Variants in CACNB2 observed in about 807,000 individuals in gnomAD.
CACNB2 encodes the protein calcium voltage-gated channel auxiliary subunit beta 2, also known as voltage-dependent L-type calcium channel subunit beta-2.
Under a neutral mutation model 73.3 loss-of-function variants are expected in CACNB2, and 42 were observed. The observed-to-expected ratio is 0.57, with a 90% CI of 0.45 to 0.74. The LOEUF is 0.74. CACNB2 is among the 30% of genes least tolerant of loss of function. The pLI is 0.00. For synonymous variants in CACNB2, 348 were observed against 310.3 expected (o/e 1.12, Z -1.28); for missense variants, 940 against 853.0 (o/e 1.10, Z -1.27).
At chr10:18,206,480 C>T (rs1444595868) in intron 2 of CACNB2, 1 of 152,450 alleles carries the variant, frequency 6.6e-6, no homozygotes, top group Non-Finnish European at 1.5e-5. Context: ...GAAACAGCAG[C>T]ATTGTGCAGT....
At chr10:18,474,971 A>T (rs1434842416) in intron 3 of CACNB2, among the ~76,000 whole-genome samples, 1 of 151,308 alleles carries the variant, frequency 6.6e-6, no homozygotes, top group East Asian at 1.9e-4. Context: ...TGTCCAACTC[A>T]ACTACAGATC....
intron 3 of CACNB2, among the ~76,000 whole-genome samples, chr10:18,471,312 G>C (rs1030008265): frequency 3.9e-5 from 6 of 152,070 alleles, no homozygotes; most frequent in Admixed American, 1.3e-4. Flanking sequence ...ATCTCAGAAA[G>C]AAAGAAAGGA....
chr10:18,429,677 A>AC (rs1042792973), intron 3 of CACNB2, among the ~76,000 whole-genome samples: 2 of 141,174 alleles, frequency 1.4e-5, no homozygotes, highest in African/African-American at 5.1e-5. Context: ...AAAAAAAAAA[A>AC]AAAACCAAAT....
At chr10:18,276,912 G>T (rs2038317532) in intron 2 of CACNB2, among the ~76,000 whole-genome samples, 1 of 152,120 alleles carries the variant, frequency 6.6e-6, no homozygotes, top group African/African-American at 2.4e-5. Flanking sequence ...ATGAGTTCAA[G>T]ACCAGACAGG....
intron 2 of CACNB2, among the ~76,000 whole-genome samples, chr10:18,237,058 C>T (rs2036472902): frequency 6.6e-6 from 1 of 152,116 alleles, no homozygotes; most frequent in Non-Finnish European, 1.5e-5. Flanking sequence ...ACCCAGGGAT[C>T]TCAAAGGCGA....
intron 2 of CACNB2, among the ~76,000 whole-genome samples, chr10:18,396,037 G>T (rs541880314): frequency 7.9e-5 from 12 of 152,196 alleles, no homozygotes; most frequent in African/African-American, 2.6e-4. Context: ...GCTCACTGCA[G>T]CCTCTGCCTC....
intron 2 of CACNB2, chr10:18,151,288 C>T (rs59977094): frequency 0.011 from 2,603 of 245,658 alleles, 70 homozygotes; most frequent in African/African-American, 0.063. Context: ...TTTTTTTTTT[C>T]AGTGGGACAG....
At chr10:18,250,073 C>T (rs527895741) in intron 2 of CACNB2, among the ~76,000 whole-genome samples, 45 of 152,268 alleles carry the variant, frequency 3.0e-4, no homozygotes, top group Admixed American at 1.2e-3. Context: ...CAAAATATAT[C>T]CAGAATCCTA....
chr10:18,370,073 C>A (rs566073229), intron 2 of CACNB2, among the ~76,000 whole-genome samples: 74 of 152,342 alleles, frequency 4.9e-4, no homozygotes, highest in South Asian at 3.9e-3. Flanking sequence ...CTGATAATGG[C>A]AATGTTTATA....
chr10:18,207,868 A>G (rs937712116), intron 2 of CACNB2, among the ~76,000 whole-genome samples: 2 of 152,230 alleles, frequency 1.3e-5, no homozygotes, highest in African/African-American at 4.8e-5. Context: ...ACAAATAAGT[A>G]AAAAGAATCA....
At chr10:18,240,353 T>C (rs1253903170) in intron 2 of CACNB2, among the ~76,000 whole-genome samples, 1 of 152,158 alleles carries the variant, frequency 6.6e-6, no homozygotes, top group African/African-American at 2.4e-5. Flanking sequence ...GATTAAAGTC[T>C]CATGCAGGTT....
At chr10:18,381,797 C>T (rs1278716831) in intron 2 of CACNB2, among the ~76,000 whole-genome samples, 1 of 151,672 alleles carries the variant, frequency 6.6e-6, no homozygotes, top group Admixed American at 6.6e-5. Flanking sequence ...TATATTACAT[C>T]ATGCTGTACC....
intron 2 of CACNB2, among the ~76,000 whole-genome samples, chr10:18,371,089 A>G (rs1396621609): frequency 2.0e-5 from 3 of 152,176 alleles, no homozygotes; most frequent in South Asian, 2.1e-4. Context: ...ACAGCCAGCA[A>G]TGTTTGAGTT....
At chr10:18,163,501 C>T (rs759400280) in intron 2 of CACNB2, among the ~76,000 whole-genome samples, 1 of 152,070 alleles carries the variant, frequency 6.6e-6, no homozygotes, top group African/African-American at 2.4e-5. Flanking sequence ...AAGTCTTCGC[C>T]CCTGAGCCAG....
At chr10:18,180,263 C>T (rs2033806468) in intron 2 of CACNB2, among the ~76,000 whole-genome samples, 1 of 152,128 alleles carries the variant, frequency 6.6e-6, no homozygotes, top group African/African-American at 2.4e-5. Context: ...TTCTCTGCAA[C>T]AGACAGAGGG....
At chr10:18,220,222 TATATA>T (rs2035708719) in intron 2 of CACNB2, among the ~76,000 whole-genome samples, 1 of 48,262 alleles carries the variant, frequency 2.1e-5, no homozygotes, top group East Asian at 8.1e-4. Context: ...TATATATATA[TATATA>T]TATATAGAGA....
At chr10:18,461,764 CT>C (rs35385599) in intron 3 of CACNB2, among the ~76,000 whole-genome samples, 81 of 68,010 alleles carry the variant, frequency 1.2e-3, no homozygotes, top group South Asian at 2.8e-3. Context: ...TTCGATAAAG[CT>C]TTTTTTTTTT....
chr10:18,294,836 T>C (rs2131796565), intron 2 of CACNB2, among the ~76,000 whole-genome samples: 1 of 152,358 alleles, frequency 6.6e-6, no homozygotes, highest in Non-Finnish European at 1.5e-5. Flanking sequence ...TTAGTAGTTC[T>C]TCATGGGGGA....
At chr10:18,315,523 A>C (rs1410139225) in intron 2 of CACNB2, among the ~76,000 whole-genome samples, 3 of 132,564 alleles carry the variant, frequency 2.3e-5, no homozygotes, top group Non-Finnish European at 4.9e-5. Flanking sequence ...AAAAAAAAAA[A>C]AAAAACTTTT....
Sources: allele counts gnomAD v4.1 joint callset (sites outside exome capture counted in the v4.1 genomes callset), GRCh38; gene constraint gnomAD v4.1.1; transcripts MANE v1.5; gene names NCBI Gene and HGNC (gene_info 2026-07-23, HGNC 2026-07-21).